LMNA: variants seen among roughly 807,000 people sequenced by gnomAD.
LMNA encodes the protein lamin A/C, also known as lamin.
LMNA carries 20 observed loss-of-function variants against 70.4 expected under a neutral mutation model. That is an observed-to-expected ratio of 0.28 (90% confidence interval 0.20 to 0.41). LMNA has a LOEUF of 0.41. Ranked by LOEUF, LMNA falls within the 10% of genes least tolerant of loss-of-function variation. LMNA has a pLI of 1.00. For synonymous variants in LMNA, 339 were observed against 372.8 expected, an observed-to-expected ratio of 0.91 and a Z score of 1.04; for missense variants, 652 against 917.2, an observed-to-expected ratio of 0.71 and a Z score of 3.73.
At chr1:156,110,984 T>A (rs1464594062), upstream of LMNA, among the ~76,000 whole-genome samples, 2 of 150,762 alleles carry the variant, frequency 1.3e-5, no homozygotes, top group African/African-American at 2.4e-5. Context: ...TCAAAAAAAA[T>A]TAGAAACACC....
intron 1 of LMNA, among the ~76,000 whole-genome samples, chr1:156,124,944 T>C (rs762531502): frequency 4.6e-5 from 7 of 152,186 alleles, no homozygotes; most frequent in Non-Finnish European, 1.0e-4. Flanking sequence ...AGTGTCTGTG[T>C]GTATCGTGCC....
intron 2 of LMNA, among the ~76,000 whole-genome samples, chr1:156,084,709 G>A (rs1648415804): frequency 6.6e-6 from 1 of 152,168 alleles, no homozygotes; most frequent in Non-Finnish European, 1.5e-5. Flanking sequence ...AATAGAAATA[G>A]CAAACAGTTG....
intron 1 of LMNA, among the ~76,000 whole-genome samples, chr1:156,128,776 C>G (rs574554221): frequency 6.6e-6 from 1 of 152,218 alleles, no homozygotes; most frequent in Non-Finnish European, 1.5e-5. Context: ...CAACTCTAAG[C>G]TCCTTCTAGT....
intron 1 of LMNA, chr1:156,129,979 G>T: frequency 2.9e-6 from 2 of 691,514 alleles, no homozygotes; most frequent in South Asian, 3.1e-5. Flanking sequence ...TCTGTTCAGT[G>T]CAGATCAGGG....
rs1174774016 is a variant in LMNA, at chr1:156,137,852, T to C, written c.1698+109T>C. On this transcript the variant is annotated intron_variant, in intron 10 of 11. Transcript: ENST00000368300. The surrounding 1 kb of genome is among the most constrained non-coding windows in gnomAD (Gnocchi z 4.6). ...TGCCAAAAATCTTTTCATTAAAGAA[T>C]GTTTTGGAACTTTACTCGCTGGCCT... 1 of 1,534,840 alleles carries C rather than the reference T, an allele frequency of 6.5e-7. No individual in the cohort carries two copies. The highest frequency in any genetic ancestry group is 8.7e-7 in the Non-Finnish European group (1 of 1,144,424).
At chr1:156,124,729 G>A (rs561471226) in intron 1 of LMNA, among the ~76,000 whole-genome samples, 3 of 152,302 alleles carry the variant, frequency 2.0e-5, no homozygotes, top group Non-Finnish European at 2.9e-5. Context: ...TTACTTTGCC[G>A]GGTTGGGGGG....
At chr1:156,127,517 T>TC (rs1272562680) in intron 1 of LMNA, among the ~76,000 whole-genome samples, 1 of 131,054 alleles carries the variant, frequency 7.6e-6, no homozygotes, top group East Asian at 2.2e-4. Context: ...CTGTTTTTTT[T>TC]TTTTTTTTTT....
rs144569678 is a variant in LMNA at position 156,123,969 on chromosome 1, C to A, written c.357-6648C>A. On this transcript the variant is annotated intron_variant, in intron 1 of 11. Transcript: ENST00000368300. ...CAGTTCTCCCCACTTCAGCCCCTCC[C>A]TCTGCCTGGAATTAAAACCTGGCTT... is the stretch of plus-strand genomic sequence containing the variant. Among the ~76,000 whole-genome samples the A allele has an allele frequency of 1.3e-3, 198 of 152,350 alleles. 1 individual carries two copies. The highest frequency in any genetic ancestry group is 4.5e-3 in the African/African-American group (187 of 41,576).
At position 156,129,425 on chromosome 1, in the gene LMNA, G is replaced by A. The variant is rs186285142; in HGVS notation, c.357-1192G>A. Among the ~76,000 whole-genome samples the A allele has an allele frequency of 2.9e-3, 449 of 152,324 alleles. 2 individuals are homozygous for A. The highest frequency in any genetic ancestry group is 4.7e-3 in the Non-Finnish European group (320 of 68,024). On this transcript the variant is annotated intron_variant, in intron 1 of 11. Transcript: ENST00000368300. ...ACAGTGAATTGCTGGGCCTCTTGGAGTTTAGGACTTTTGTGGTAGAAGAAA... is the reference window on the plus strand; with the variant it reads ...ACAGTGAATTGCTGGGCCTCTTGGAATTTAGGACTTTTGTGGTAGAAGAAA...
intron 1 of LMNA, chr1:156,082,684 A>G: frequency 6.6e-6 from 1 of 152,228 alleles, no homozygotes; most frequent in Non-Finnish European, 1.5e-5. Context: ...TTTTAAGGGG[A>G]GGGTGCGGGG....
chr1:156,126,967 A>C, intron 1 of LMNA: 1 of 1,499,456 alleles, frequency 6.7e-7, no homozygotes, highest in Non-Finnish European at 8.9e-7. Context: ...GTGCCTGAGC[A>C]TGAGTCACCT....
At chr1:156,098,253 G>A (rs1015341239) in intron 3 of LMNA, among the ~76,000 whole-genome samples, 21 of 152,198 alleles carry the variant, frequency 1.4e-4, no homozygotes, top group Non-Finnish European at 1.6e-4. Context: ...TTTTGAAGGT[G>A]TGAAAGCTGA....
At chr1:156,105,570 C>T (rs556308080) in intron 3 of LMNA, among the ~76,000 whole-genome samples, 23 of 152,230 alleles carry the variant, frequency 1.5e-4, no homozygotes, top group African/African-American at 5.3e-4. Flanking sequence ...CAACGGGGAC[C>T]TTGAGGAGTG....
Position 156,130,612 on chromosome 1 carries a change from T to C in LMNA, c.357-5T>C. 1 of 1,613,896 alleles carries C rather than the reference T, an allele frequency of 6.2e-7. No homozygotes were observed. Among genetic ancestry groups the C allele is most frequent in the Non-Finnish European group, 8.5e-7 (1 of 1,180,002 alleles). ...CTTAAATCTACTCTCCCCTCTCTTC[T>C]TTAGCAATACCAAGAAGGAGGGTGA... On this transcript the variant is annotated splice_region_variant and splice_polypyrimidine_tract_variant and intron_variant, in intron 1 of 11. Transcript: ENST00000368300.
chr1:156,135,774 G>A lies in LMNA; in HGVS notation c.937-127G>A. 1 of 773,960 alleles carries A rather than the reference G, an allele frequency of 1.3e-6. No homozygotes were observed. The highest frequency in any genetic ancestry group is 2.2e-6 in the Non-Finnish European group (1 of 461,278). The allele number at this position is 773,960 out of a possible 1,614,324, so 47.9% of individuals were successfully genotyped here. On this transcript the variant is annotated intron_variant, in intron 5 of 11. Transcript: ENST00000368300. This position sits in a 1 kb window ranked among gnomAD's most constrained non-coding sequence, Gnocchi z 4.8. The stretch of plus-strand genomic sequence containing the variant: ...ATGTTCAGAGCTGGCTCTGATGAGG[G>A]CTCTGGGGAAGCTCTGATTGCAGAT...
intron 2 of LMNA, among the ~76,000 whole-genome samples, chr1:156,090,099 T>C (rs750705648): frequency 4.6e-5 from 7 of 152,158 alleles, no homozygotes; most frequent in Non-Finnish European, 1.0e-4. Flanking sequence ...TTGTTGAGGA[T>C]TTTCTAATTG....
At chr1:156,096,165 T>G (rs1308650322) in intron 3 of LMNA, among the ~76,000 whole-genome samples, 1 of 152,252 alleles carries the variant, frequency 6.6e-6, no homozygotes, top group Non-Finnish European at 1.5e-5. Flanking sequence ...CTTTTTGGCC[T>G]TCTTTGCCCA....
intron 2 of LMNA, among the ~76,000 whole-genome samples, chr1:156,133,289 A>G (rs1218541357): frequency 6.6e-6 from 1 of 151,452 alleles, no homozygotes; most frequent in East Asian, 2.0e-4. Flanking sequence ...ATCTAAGCAT[A>G]CGGCTGGGTG....
At chr1:156,117,392 G>A (rs370255128) in intron 1 of LMNA, among the ~76,000 whole-genome samples, 4 of 146,446 alleles carry the variant, frequency 2.7e-5, no homozygotes, top group South Asian at 2.2e-4. Context: ...CTGCCACCAC[G>A]CCCGGCTACT....
Sources: gnomAD v4.1 joint callset for allele counts (sites outside exome capture counted in the v4.1 genomes callset) on GRCh38, gnomAD v4.1.1 for gene constraint, Gnocchi (gnomAD v3.1) non-coding constraint, MANE v1.5 for transcripts, NCBI Gene and HGNC (gene_info 2026-07-23, HGNC 2026-07-21) for gene names.